Variants in ANXA6 observed in about 807,000 individuals in gnomAD.
ANXA6 encodes the protein annexin A6, also known as 67 kDa calelectrin.
A neutral mutation model predicts 95.4 loss-of-function variants in ANXA6; 71 were observed. That is an observed-to-expected ratio of 0.74 (90% CI 0.61 to 0.91). The LOEUF is 0.91. ANXA6 is among the 40% of genes least tolerant of loss of function. The pLI, the probability that ANXA6 is intolerant of heterozygous loss-of-function variation, is 0.00. For missense variants in ANXA6, 830 were observed against 876.4 expected (o/e 0.95, Z 0.67); for synonymous variants, 289 against 315.9 (o/e 0.91, Z 0.90).
Position 151,137,407 on chromosome 5 carries a change from A to T in ANXA6, c.319-86T>A, listed in dbSNP as rs541872855. The T allele has an allele frequency of 1.4e-5, 15 of 1,071,938 alleles. No individual in the cohort carries two copies. In the South Asian group the frequency reaches 2.0e-4, roughly 14 times the overall value. 66.4% of individuals were successfully genotyped at this position (1,071,938 alleles called of 1,614,324 possible). Reference sequence around the variant, plus strand: ...TTGGGATCAGGGAGTGGCCAGAGCTATGACACCCCAGGACTCAGGAGGTTC... The same window carrying T: ...TTGGGATCAGGGAGTGGCCAGAGCTTTGACACCCCAGGACTCAGGAGGTTC... On this transcript the variant is annotated intron_variant, in intron 5 of 25. Coordinates refer to ENST00000354546, the MANE Select transcript of ANXA6 (RefSeq NM_001155.5).
chr5:151,135,935 C>T (rs754982503), intron 7 of ANXA6, among the ~76,000 whole-genome samples: 5 of 152,112 alleles, frequency 3.3e-5, no homozygotes, highest in Admixed American at 2.0e-4. Context: ...CAATAAGGCT[C>T]GGATGTGGGA....
intron 25 of ANXA6, among the ~76,000 whole-genome samples, chr5:151,102,694 A>T (rs1334842197): frequency 6.6e-6 from 1 of 152,106 alleles, no homozygotes; most frequent in Non-Finnish European, 1.5e-5. Flanking sequence ...ACAGAGCAAG[A>T]CTCCGTCTCA....
intron 12 of ANXA6, 111 bp from the exon 13 acceptor site, chr5:151,128,350 T>C (rs1382883787): frequency 3.3e-6 from 3 of 921,824 alleles, no homozygotes; most frequent in Non-Finnish European, 5.1e-6. Flanking sequence ...TGAACACTTA[T>C]TCATAGCAGC....
chr5:151,118,348 C>T (rs531203722), intron 18 of ANXA6, among the ~76,000 whole-genome samples: 6 of 151,832 alleles, frequency 4.0e-5, no homozygotes, highest in Non-Finnish European at 7.4e-5. Context: ...ACAGCCTCGA[C>T]CTCCCTGGGC....
chr5:151,127,508 G>A (rs1179274561), intron 13 of ANXA6, among the ~76,000 whole-genome samples: 8 of 152,226 alleles, frequency 5.3e-5, no homozygotes, highest in Admixed American at 3.9e-4. Flanking sequence ...CTCACTCCTC[G>A]GCTTTTCTAT....
Position 151,101,237 on chromosome 5 carries a change from C to T in ANXA6, c.*211G>A, listed in dbSNP as rs562881442. 5.8e-5 allele frequency: 36 copies of T among 621,660 alleles called. No homozygotes were observed. The highest frequency in any genetic ancestry group is 3.0e-4 in the Admixed American group (11 of 37,118). 38.5% of individuals were successfully genotyped at this position (621,660 alleles called of 1,614,324 possible). On this transcript the variant is annotated 3_prime_UTR_variant, in exon 26 of 26. Coordinates refer to ENST00000354546, the MANE Select transcript of ANXA6 (RefSeq NM_001155.5). Reference sequence around the variant, plus strand: ...TGGAGGTGGACAGGATCTATGGCTACGGTTTTTCAGCCGCTCAGCCGTGCT... The same window carrying T: ...TGGAGGTGGACAGGATCTATGGCTATGGTTTTTCAGCCGCTCAGCCGTGCT...
intron 19 of ANXA6, 39 bp from the exon 20 acceptor site, chr5:151,117,219 T>C: frequency 6.4e-7 from 1 of 1,552,208 alleles, no homozygotes; most frequent in Non-Finnish European, 8.7e-7. Context: ...TCCCCAAACA[T>C]CGACCCATCT....
At chr5:151,113,991 T>C (rs1258212065) in intron 20 of ANXA6, among the ~76,000 whole-genome samples, 1 of 152,088 alleles carries the variant, frequency 6.6e-6, no homozygotes, top group East Asian at 1.9e-4. Context: ...TTTAACATAG[T>C]GTTTAGGTTA....
intron 2 of ANXA6, among the ~76,000 whole-genome samples, chr5:151,142,920 G>A (rs112605782): frequency 6.6e-6 from 1 of 152,216 alleles, no homozygotes; most frequent in Non-Finnish European, 1.5e-5. Context: ...CTAGCCTGTT[G>A]CCATGATTCA....
intron 20 of ANXA6, among the ~76,000 whole-genome samples, chr5:151,115,948 A>G (rs566150771): frequency 2.6e-5 from 4 of 152,396 alleles, no homozygotes; most frequent in African/African-American, 9.6e-5. Flanking sequence ...CCTGAGTTCA[A>G]ATAAAACCAC....
chr5:151,139,521 T>C (rs897084037), intron 3 of ANXA6, 74 bp from the exon 4 acceptor site: 6 of 1,018,524 alleles, frequency 5.9e-6, no homozygotes, highest in African/African-American at 3.1e-5. Flanking sequence ...CTTCCTTCCC[T>C]GGACACAGGC....
chr5:151,114,613 T>TAAAAAAAAAAAAA lies in ANXA6; in HGVS notation c.1572+2501_1572+2513dup, dbSNP rs61407672. Among the ~76,000 whole-genome samples, 24 of 70,314 alleles carry TAAAAAAAAAAAAA rather than the reference T, an allele frequency of 3.4e-4. 1 individual carries two copies. Among genetic ancestry groups the TAAAAAAAAAAAAA allele is most frequent in the Admixed American group, 8.1e-4 (4 of 4,960 alleles). 46.1% of individuals were successfully genotyped at this position (70,314 alleles called of 152,430 possible). On this transcript the variant is annotated intron_variant, in intron 20 of 25. Transcript: ENST00000354546. ...TGGGCAACAGAGCGAGACTCCGTCT[T>TAAAAAAAAAAAAA]AAAAAAAAAAAAAAAAAAAAAAAAA...
intron 15 of ANXA6, among the ~76,000 whole-genome samples, chr5:151,123,572 T>A (rs116065160): frequency 0.013 from 2,011 of 152,310 alleles, 36 homozygotes; most frequent in African/African-American, 0.047. Flanking sequence ...GGGTCTTTCA[T>A]GGCATTTTTA....
Position 151,129,523 on chromosome 5 carries a change from C to G in ANXA6, c.802G>C (p.Gly268Arg). The change falls in exon 12 of 26, where the codon GGG becomes CGG. Residue 268 changes from glycine (G) to arginine (R), a missense_variant. Gly to Arg is a moderately radical substitution (Grantham distance 125). Transcript: ENST00000354546. ...ERLFKAMKGL[G>R]TRDNTLIRIM... ...CGGATCAGGGTGTTGTCCCGAGTCC[C>G]CAGGCCCTGCAAGACAAGTGGGTTT... is the stretch of plus-strand genomic sequence containing the variant. 1 of 1,602,030 alleles carries G rather than the reference C, an allele frequency of 6.2e-7. No homozygotes were observed. Among genetic ancestry groups the G allele is most frequent in the Non-Finnish European group, 8.5e-7 (1 of 1,174,366 alleles).
At chr5:151,102,705 AAAAC>A (rs769621932) in intron 25 of ANXA6, among the ~76,000 whole-genome samples, 39 of 152,304 alleles carry the variant, frequency 2.6e-4, no homozygotes, top group Middle Eastern at 3.4e-3. Context: ...CTCCGTCTCA[AAAAC>A]AAACAAACAA....
intron 20 of ANXA6, among the ~76,000 whole-genome samples, chr5:151,110,927 G>C (rs1485808758): frequency 2.6e-5 from 4 of 152,108 alleles, no homozygotes; most frequent in Admixed American, 2.6e-4. Flanking sequence ...CACAGAAATG[G>C]GGAACTCTGC....
At chr5:151,125,798 A>G (rs370524495) in intron 14 of ANXA6, among the ~76,000 whole-genome samples, 41 of 152,244 alleles carry the variant, frequency 2.7e-4, no homozygotes, top group African/African-American at 9.1e-4. Context: ...CAAGAGCCCT[A>G]AGAGATCACC....
rs774385991 is a variant in ANXA6, at chr5:151,133,226, C to A, written c.547-39G>T. On this transcript the variant is annotated intron_variant, in intron 8 of 25. Transcript: ENST00000354546. The stretch of plus-strand genomic sequence containing the variant: ...GGTGGCACTTGACTGAAAGAGGAAA[C>A]CTCAGGAGACAGGACACACTGACCA... 8 of 1,467,280 alleles carry A rather than the reference C, an allele frequency of 5.5e-6. No individual in the cohort carries two copies. In the African/African-American group the frequency reaches 5.6e-5, roughly 10 times the overall value. The allele number at this position is 1,467,280 out of a possible 1,614,324, so 90.9% of individuals were successfully genotyped here.
chr5:151,133,253 G>A (rs2113934233), intron 8 of ANXA6, 66 bp from the exon 9 acceptor site: 4 of 1,173,642 alleles, frequency 3.4e-6, no homozygotes, highest in Non-Finnish European at 3.7e-6. Context: ...CACTGACCAA[G>A]CCACTCAGAA....
Sources: allele counts gnomAD v4.1 joint callset (sites outside exome capture counted in the v4.1 genomes callset), GRCh38; gene constraint gnomAD v4.1.1; transcripts MANE v1.5; gene names NCBI Gene and HGNC (gene_info 2026-07-23, HGNC 2026-07-21).